Variants in B4GALT1 observed in about 807,000 individuals in gnomAD.
B4GALT1 encodes beta-1,4-galactosyltransferase 1.
Under a neutral mutation model 34.9 loss-of-function variants are expected in B4GALT1, and 16 were observed. The ratio of observed to expected loss-of-function variants is 0.46; its 90% confidence interval spans 0.31 to 0.70. B4GALT1 has a LOEUF of 0.70. B4GALT1 is among the 30% of genes least tolerant of loss of function. The pLI is 0.05. For synonymous variants in B4GALT1, 221 were observed against 218.1 expected, an observed-to-expected ratio of 1.01 and a Z score of -0.12; for missense variants, 445 against 530.5, an observed-to-expected ratio of 0.84 and a Z score of 1.58.
At chr9:33,155,126 G>C (rs1340402247) in intron 1 of B4GALT1, among the ~76,000 whole-genome samples, 1 of 152,166 alleles carries the variant, frequency 6.6e-6, no homozygotes, top group Non-Finnish European at 1.5e-5. Flanking sequence ...ACTCCAGGCA[G>C]GAAGAGACTC....
Position 33,121,513 on chromosome 9 carries a change from C to T in B4GALT1, c.649-907G>A, listed in dbSNP as rs537297727. Among the ~76,000 whole-genome samples the T allele has an allele frequency of 3.4e-5, 5 of 146,888 alleles. No individual in the cohort carries two copies. The South Asian group carries it at 1.1e-3, about 32-fold the overall frequency. ...GAGTAGCTGGGATTACAGGCATGTGCCACCATGCCCGGCTTTTTTTTTTTT... is the reference window on the plus strand; with the variant it reads ...GAGTAGCTGGGATTACAGGCATGTGTCACCATGCCCGGCTTTTTTTTTTTT... On this transcript the variant is annotated intron_variant, in intron 2 of 5. Coordinates refer to ENST00000379731, the MANE Select transcript of B4GALT1 (RefSeq NM_001497.4).
intron 1 of B4GALT1, 108 bp downstream of exon 1, chr9:33,166,650 G>T: frequency 8.1e-7 from 1 of 1,230,824 alleles, no homozygotes; most frequent in South Asian, 1.7e-5. Context: ...CCAGAAGAGG[G>T]AGGCTGGCTG....
At chr9:33,167,458 G>T (rs949611929), upstream of B4GALT1, 1 of 152,386 alleles carries the variant, frequency 6.6e-6, no homozygotes, top group Non-Finnish European at 1.4e-5. Context: ...CCCGTGGCGG[G>T]ATGGGCGCGC....
intron 4 of B4GALT1, 139 bp downstream of exon 4, chr9:33,115,852 G>A (rs552161757): frequency 3.5e-6 from 4 of 1,127,216 alleles, no homozygotes; most frequent in East Asian, 2.6e-5. Context: ...GGACCTGTAG[G>A]AAGCCACACC....
chr9:33,144,982 A>C (rs987152224), intron 1 of B4GALT1, among the ~76,000 whole-genome samples: 2 of 152,324 alleles, frequency 1.3e-5, no homozygotes, highest in Admixed American at 6.5e-5. Context: ...TTTTAGTCTT[A>C]AATTACAGTT....
intron 1 of B4GALT1, among the ~76,000 whole-genome samples, chr9:33,159,344 T>A (rs1840642790): frequency 6.6e-6 from 1 of 152,180 alleles, no homozygotes. Context: ...GCCCCCGTGG[T>A]GGGGCAGGAA....
Position 33,113,192 on chromosome 9 carries a change from G to T in B4GALT1, c.*262C>A. ...CAAATTTTGGGATGTGTACAGTTCT[G>T]ACTCTGGGGTGACACTGCGAACACA... On this transcript the variant is annotated 3_prime_UTR_variant, in exon 6 of 6. Transcript: ENST00000379731. 1.9e-6 allele frequency: 1 copy of T among 533,546 alleles called. No individual in the cohort carries two copies. The allele number at this position is 533,546 out of a possible 1,614,324, so 33.1% of individuals were successfully genotyped here.
At chr9:33,176,525 T>C in the B4GALT1 span, among the ~76,000 whole-genome samples, 14 of 152,244 alleles carry the variant, frequency 9.2e-5, no homozygotes, top group South Asian at 4.1e-4. Context: ...CTTACAACCA[T>C]AGAAAAGAAC....
At chr9:33,163,795 G>T (rs571274101) in intron 1 of B4GALT1, among the ~76,000 whole-genome samples, 1 of 152,202 alleles carries the variant, frequency 6.6e-6, no homozygotes, top group Non-Finnish European at 1.5e-5. Context: ...CCTGAGACAG[G>T]GTTAGGAAAG....
upstream of B4GALT1, among the ~76,000 whole-genome samples, chr9:33,169,968 A>ATTTTTTTT (rs74178857): frequency 8.3e-6 from 1 of 120,496 alleles, no homozygotes; most frequent in Non-Finnish European, 1.7e-5. Context: ...CAGCCCCTAG[A>ATTTTTTTT]TTTTTTTTTT....
downstream of B4GALT1, among the ~76,000 whole-genome samples, chr9:33,106,821 G>T (rs145130562): frequency 2.1e-4 from 32 of 152,284 alleles, no homozygotes; most frequent in African/African-American, 7.5e-4. Flanking sequence ...TCCTACAGAA[G>T]ACACAGAGAC....
chr9:33,125,726 A>C (rs1840082587), intron 2 of B4GALT1, among the ~76,000 whole-genome samples: 1 of 152,202 alleles, frequency 6.6e-6, no homozygotes, highest in African/African-American at 2.4e-5. Flanking sequence ...TGGTTAAGGA[A>C]GGCAAGTGTG....
chr9:33,132,166 A>G (rs956213430), intron 2 of B4GALT1, among the ~76,000 whole-genome samples: 1 of 152,142 alleles, frequency 6.6e-6, no homozygotes, highest in African/African-American at 2.4e-5. Flanking sequence ...AGAAAAAAGG[A>G]GGTATATATG....
chr9:33,143,210 G>A (rs1342431432), intron 1 of B4GALT1, among the ~76,000 whole-genome samples: 4 of 152,136 alleles, frequency 2.6e-5, no homozygotes, highest in African/African-American at 4.8e-5. Context: ...ACAGCAGACC[G>A]TAGGTGGCCA....
the B4GALT1 span, chr9:33,179,918 C>T: frequency 6.6e-6 from 1 of 152,344 alleles, no homozygotes; most frequent in African/African-American, 2.4e-5. Context: ...AAATCCATGT[C>T]TATAACTTCC....
intron 1 of B4GALT1, 86 bp from the exon 2 acceptor site, chr9:33,135,510 T>C: frequency 7.5e-7 from 1 of 1,334,712 alleles, no homozygotes; most frequent in Non-Finnish European, 1.1e-6. Context: ...AGGCTGCAGC[T>C]GCAGCTGCAG....
chr9:33,125,561 C>A (rs1840079061), intron 2 of B4GALT1, among the ~76,000 whole-genome samples: 1 of 152,166 alleles, frequency 6.6e-6, no homozygotes, highest in African/African-American at 2.4e-5. Context: ...AGTGCCTCCC[C>A]CAAGGGCCAA....
intron 2 of B4GALT1, among the ~76,000 whole-genome samples, chr9:33,128,113 C>T (rs1265753853): frequency 7.2e-5 from 11 of 152,164 alleles, no homozygotes; most frequent in African/African-American, 2.4e-4. Context: ...CTCTCTCTCT[C>T]TCTAGGAGGC....
At chr9:33,123,271 C>T (rs1395355855) in intron 2 of B4GALT1, among the ~76,000 whole-genome samples, 2 of 76,048 alleles carry the variant, frequency 2.6e-5, no homozygotes, top group African/African-American at 1.1e-4. Context: ...GAGCGAGACA[C>T]TGTCTCAAAA....
Sources: gnomAD v4.1 joint callset for allele counts (sites outside exome capture counted in the v4.1 genomes callset) on GRCh38, gnomAD v4.1.1 for gene constraint, MANE v1.5 for transcripts, NCBI Gene and HGNC (gene_info 2026-07-23, HGNC 2026-07-21) for gene names.